SLC24A2: variants seen among roughly 807,000 people sequenced by gnomAD.
SLC24A2 encodes sodium/potassium/calcium exchanger 2.
SLC24A2 carries 36 observed loss-of-function variants against 62.0 expected under a neutral mutation model. The observed-to-expected ratio is 0.58, with a 90% CI of 0.44 to 0.77. The LOEUF (loss-of-function observed/expected upper bound fraction) is 0.77. SLC24A2 is among the 30% of genes least tolerant of loss of function. The probability of loss-of-function intolerance (pLI) is 0.00; values close to 1 mark genes in which losing one functional copy is unlikely to be tolerated. For synonymous variants in SLC24A2, 358 were observed against 294.0 expected, an observed-to-expected ratio of 1.22 and a Z score of -2.23; for missense variants, 846 against 817.9, an observed-to-expected ratio of 1.03 and a Z score of -0.42.
chr9:20,065,416 G>A, the SLC24A2 span, among the ~76,000 whole-genome samples: 1 of 152,204 alleles, frequency 6.6e-6, no homozygotes, highest in Non-Finnish European at 1.5e-5. Flanking sequence ...CCAATATCCT[G>A]TAAATGCCTG....
chr9:20,100,775 C>T, the SLC24A2 span, among the ~76,000 whole-genome samples: 1 of 152,202 alleles, frequency 6.6e-6, no homozygotes. Context: ...ATTTAAATTC[C>T]TTCTACACTG....
At chr9:20,149,379 T>C in the SLC24A2 span, among the ~76,000 whole-genome samples, 2 of 152,058 alleles carry the variant, frequency 1.3e-5, no homozygotes, top group Non-Finnish European at 2.9e-5. Context: ...TTGATAAAGT[T>C]AGCAAATAGT....
At chr9:20,232,129 T>C in the SLC24A2 span, among the ~76,000 whole-genome samples, 18 of 152,260 alleles carry the variant, frequency 1.2e-4, no homozygotes, top group Non-Finnish European at 2.5e-4. Context: ...CTGCTGGATT[T>C]GGTTTTCCAG....
chr9:19,830,982 T>G, the SLC24A2 span, among the ~76,000 whole-genome samples: 1 of 152,172 alleles, frequency 6.6e-6, no homozygotes, highest in Non-Finnish European at 1.5e-5. Context: ...GGTGCAGTGT[T>G]GCGACATCCT....
At chr9:20,107,699 T>G in the SLC24A2 span, among the ~76,000 whole-genome samples, 943 of 152,118 alleles carry the variant, frequency 6.2e-3, 14 homozygotes, top group African/African-American at 0.022. Context: ...TTAATTCAAG[T>G]TGGATTAAAG....
the SLC24A2 span, among the ~76,000 whole-genome samples, chr9:20,107,362 AC>A: frequency 6.6e-6 from 1 of 151,358 alleles, no homozygotes; most frequent in Non-Finnish European, 1.5e-5. Flanking sequence ...TTCATATGGA[AC>A]CAAAAAAGAG....
At chr9:20,142,745 G>A in the SLC24A2 span, among the ~76,000 whole-genome samples, 4 of 152,106 alleles carry the variant, frequency 2.6e-5, no homozygotes, top group Non-Finnish European at 5.9e-5. Context: ...ACAGGCACCT[G>A]CCACCACGCC....
the SLC24A2 span, among the ~76,000 whole-genome samples, chr9:19,944,400 A>G: frequency 6.6e-6 from 1 of 151,520 alleles, no homozygotes; most frequent in African/African-American, 2.4e-5. Flanking sequence ...CAGGTAACAA[A>G]CCTGCACATA....
At chr9:19,702,342 T>G (rs112874662) in intron 2 of SLC24A2, among the ~76,000 whole-genome samples, 6 of 152,322 alleles carry the variant, frequency 3.9e-5, no homozygotes, top group African/African-American at 1.4e-4. Flanking sequence ...CTTCTCCCAG[T>G]TGGAACTGAT....
chr9:19,715,476 A>C (rs1820832369), intron 2 of SLC24A2, among the ~76,000 whole-genome samples: 1 of 152,234 alleles, frequency 6.6e-6, no homozygotes, highest in African/African-American at 2.4e-5. Flanking sequence ...AGTATTCCAC[A>C]TCCATCTGTG....
chr9:20,260,188 G>C, the SLC24A2 span, among the ~76,000 whole-genome samples: 2 of 152,362 alleles, frequency 1.3e-5, no homozygotes, highest in African/African-American at 2.4e-5. Flanking sequence ...AAAAGGGCTG[G>C]TTTGGCCCTT....
At chr9:19,664,084 C>A (rs1219214429) in intron 2 of SLC24A2, among the ~76,000 whole-genome samples, 1 of 152,060 alleles carries the variant, frequency 6.6e-6, no homozygotes, top group Admixed American at 6.5e-5. Flanking sequence ...AGTTTCTCTG[C>A]CAGCTTAGTC....
chr9:19,981,024 C>T, the SLC24A2 span, among the ~76,000 whole-genome samples: 1 of 152,162 alleles, frequency 6.6e-6, no homozygotes, highest in African/African-American at 2.4e-5. Context: ...TCAATCTCCC[C>T]TTTATAATGA....
At chr9:19,781,039 T>C (rs1823003293) in intron 2 of SLC24A2, among the ~76,000 whole-genome samples, 1 of 152,120 alleles carries the variant, frequency 6.6e-6, no homozygotes, top group African/African-American at 2.4e-5. Flanking sequence ...ATCCAAATGT[T>C]ACAGTAATCA....
At position 19,512,547 on chromosome 9, in the gene SLC24A2, G is replaced by A. The variant is rs2132608862; in HGVS notation, c.*3606C>T. 1 of 152,294 alleles carries A rather than the reference G, an allele frequency of 6.6e-6. No individual in the cohort carries two copies. Among genetic ancestry groups the A allele is most frequent in the South Asian group, 2.1e-4 (1 of 4,822 alleles). 9.4% of individuals were successfully genotyped at this position (152,294 alleles called of 1,614,324 possible). ...CTTCAGTTCATCAGGATCTGGTCAG[G>A]TGCAGAGGGCAGCTGGAGTTGGCAT... On this transcript the variant is annotated 3_prime_UTR_variant, in exon 11 of 11. Transcript: ENST00000341998.
At chr9:19,728,060 C>G (rs1271535661) in intron 2 of SLC24A2, among the ~76,000 whole-genome samples, 1 of 152,072 alleles carries the variant, frequency 6.6e-6, no homozygotes, top group African/African-American at 2.4e-5. Context: ...GAAGTGGGGA[C>G]TGGGAGTGGG....
chr9:19,965,556 C>T, the SLC24A2 span, among the ~76,000 whole-genome samples: 2 of 152,246 alleles, frequency 1.3e-5, no homozygotes, highest in African/African-American at 2.4e-5. Flanking sequence ...GTTGCTGGCT[C>T]GTGGTATGGC....
At chr9:19,536,348 C>T (rs1224240745) in intron 8 of SLC24A2, among the ~76,000 whole-genome samples, 1 of 109,848 alleles carries the variant, frequency 9.1e-6, no homozygotes, top group Non-Finnish European at 1.8e-5. Context: ...CTATCCCTCC[C>T]CCCTCCCCCG....
the SLC24A2 span, among the ~76,000 whole-genome samples, chr9:20,051,657 C>CTCTCTTTTTTTTTTTTTTTTTTTTTTTTT: frequency 1.4e-5 from 1 of 73,514 alleles, no homozygotes; most frequent in African/African-American, 6.1e-5. Context: ...TTTTCTTTCT[C>CTCTCTTTTTTTTTTTTTTTTTTTTTTTTT]TTTTTTTTTT....
Sources: gnomAD v4.1 joint callset for allele counts (sites outside exome capture counted in the v4.1 genomes callset) on GRCh38, gnomAD v4.1.1 for gene constraint, MANE v1.5 for transcripts, NCBI Gene and HGNC (gene_info 2026-07-23, HGNC 2026-07-21) for gene names.